The following FZD9 variants were observed in gnomAD, a reference collection of about 807,000 sequenced individuals.
FZD9 encodes the protein frizzled-9.
Under a neutral mutation model 29.9 loss-of-function variants are expected in FZD9, and 29 were observed. That is an observed-to-expected ratio of 0.97 (90% CI 0.72 to 1.32). The LOEUF is 1.32. Ranked by LOEUF, FZD9 falls within the 40% of genes most tolerant of loss-of-function variation. FZD9 has a pLI of 0.00. For synonymous variants in FZD9, 384 were observed against 393.9 expected (o/e 0.97, Z 0.30); for missense variants, 822 against 857.8 (o/e 0.96, Z 0.52).
chr7:73,435,179 C>T lies in FZD9; in HGVS notation c.1172C>T (p.Ala391Val). The T allele has an allele frequency of 6.2e-7, 1 of 1,612,990 alleles. No individual in the cohort carries two copies. The highest frequency in any genetic ancestry group is 8.5e-7 in the Non-Finnish European group (1 of 1,180,006). The part of the protein sequence containing the change: ...GDELTGLCYV[A>V]STDAAALTGF... Reference sequence around the variant, plus strand: ...GAGCTGACTGGGCTTTGCTACGTGGCCAGCACGGATGCAGCAGCGCTCACG... The same window carrying T: ...GAGCTGACTGGGCTTTGCTACGTGGTCAGCACGGATGCAGCAGCGCTCACG... Residue 391 changes from alanine (A) to valine (V), a missense_variant, in exon 1 of 1, where the codon GCC becomes GTC. By Grantham distance (64) the Ala-to-Val change is moderately conservative. Coordinates refer to ENST00000344575, the MANE Select transcript of FZD9 (RefSeq NM_003508.3).
Position 73,434,033 on chromosome 7 carries a change from C to A in FZD9, c.26C>A (p.Ala9Glu), listed in dbSNP as rs1197927604. 8.1e-7 allele frequency: 1 copy of A among 1,241,218 alleles called. No individual in the cohort carries two copies. Among genetic ancestry groups the A allele is most frequent in the Non-Finnish European group, 1.0e-6 (1 of 994,910 alleles). The allele number at this position is 1,241,218 out of a possible 1,614,324, so 76.9% of individuals were successfully genotyped here. A position where few individuals can be genotyped will look rare whatever the true frequency, so the allele number is the denominator to read the frequency against. The change falls in exon 1 of 1, where the codon GCG (alanine) becomes GAG (glutamate). Residue 9 changes from alanine (A) to glutamate (E), a missense_variant. Physicochemically the swap from Ala to Glu is moderately radical, Grantham distance 107. Coordinates refer to ENST00000344575, the MANE Select transcript of FZD9 (RefSeq NM_003508.3). MAVAPLRG[A>E]LLLWQLLAAG... ...ATGGCCGTGGCGCCTCTGCGGGGGG[C>A]GCTGCTGCTGTGGCAGCTGCTGGCG...
At position 73,435,674 on chromosome 7, in the gene FZD9, G is replaced by A. The variant is rs17852397; in HGVS notation, c.1667G>A (p.Arg556His). Residue 556 changes from arginine (R) to histidine (H), a missense_variant, in exon 1 of 1, where the codon CGC becomes CAC. Transcript: ENST00000344575. ...AAGRARAKAC[R>H]APGSYGRGTH... The stretch of plus-strand genomic sequence containing the variant: ...GGCCGGGCCCGGGCCAAGGCCTGCC[G>A]CGCCCCCGGGAGCTACGGACGTGGC... 219 of 1,612,974 alleles carry A rather than the reference G, an allele frequency of 1.4e-4. No individual in the cohort carries two copies. Among genetic ancestry groups the A allele is most frequent in the Non-Finnish European group, 1.8e-4 (210 of 1,179,844 alleles).
rs782108423 is a variant in FZD9, at chr7:73,435,691, G to A, written c.1684G>A (p.Gly562Arg). ...GGCCTGCCGCGCCCCCGGGAGCTACGGACGTGGCACGCACTGCCACTATAA... is the reference window on the plus strand; with the variant it reads ...GGCCTGCCGCGCCCCCGGGAGCTACAGACGTGGCACGCACTGCCACTATAA... ...AKACRAPGSYGRGTHCHYKAP... is the reference protein window; with the variant it reads ...AKACRAPGSYRRGTHCHYKAP... Residue 562 changes from glycine (G) to arginine (R), a missense_variant, in exon 1 of 1, where the codon GGA becomes AGA. Physicochemically the swap from Gly to Arg is moderately radical, Grantham distance 125. Coordinates refer to ENST00000344575, the MANE Select transcript of FZD9 (RefSeq NM_003508.3). 5 of 1,613,118 alleles carry A rather than the reference G, an allele frequency of 3.1e-6. No homozygotes were observed. The highest frequency in any genetic ancestry group is 4.2e-6 in the Non-Finnish European group (5 of 1,179,784).
In FZD9 at chr7:73,435,234, C is replaced by G; in HGVS notation, c.1227C>G (p.Tyr409Ter). The G allele has an allele frequency of 6.2e-7, 1 of 1,613,694 alleles. No individual in the cohort carries two copies. Among genetic ancestry groups the G allele is most frequent in the Non-Finnish European group, 8.5e-7 (1 of 1,180,026 alleles). Residue 409 changes from tyrosine (Y) to a stop codon, truncating the protein, a stop_gained, in exon 1 of 1, where the codon TAC (tyrosine) becomes TAG (stop). Transcript: ENST00000344575. LOFTEE classifies it high-confidence loss of function. ...TCGTGCTGGTGCCCCTCTCTGGCTA[C>G]CTGGTGCTGGGCAGTAGTTTCCTCC... Reference protein sequence around the residue: ...TGFVLVPLSGYLVLGSSFLLT... With the variant: ...TGFVLVPLSG
Position 73,434,054 on chromosome 7 carries a change from TGGCGGCG to T in FZD9, c.55_61del (p.Gly19ArgfsTer34). ...GGGGCGCTGCTGCTGTGGCAGCTGC[TGGCGGCG>T]GGCGGCGCGGCACTGGAGATCGGCC... On this transcript the variant is annotated frameshift_variant, in exon 1 of 1. Transcript: ENST00000344575. LOFTEE classifies it low-confidence loss of function (END_TRUNC). The T allele has an allele frequency of 7.9e-7, 1 of 1,268,496 alleles. No homozygotes were observed. Among genetic ancestry groups the T allele is most frequent in the Non-Finnish European group, 9.9e-7 (1 of 1,011,018 alleles). 78.6% of individuals were successfully genotyped at this position (1,268,496 alleles called of 1,614,324 possible).
Position 73,434,060 on chromosome 7 carries a change from C to G in FZD9, c.53C>G (p.Ala18Gly), listed in dbSNP as rs1554563136. The change falls in exon 1 of 1, where the codon GCG (alanine) becomes GGG (glycine). Residue 18 changes from alanine to glycine, a missense_variant. Ala to Gly is a moderately conservative substitution (Grantham distance 60, BLOSUM62 0). Coordinates refer to ENST00000344575, the MANE Select transcript of FZD9 (RefSeq NM_003508.3). Reference sequence around the variant, plus strand: ...CTGCTGCTGTGGCAGCTGCTGGCGGCGGGCGGCGCGGCACTGGAGATCGGC... The same window carrying G: ...CTGCTGCTGTGGCAGCTGCTGGCGGGGGGCGGCGCGGCACTGGAGATCGGC... The part of the protein sequence containing the change: ...GALLLWQLLA[A>G]GGAALEIGRF... 7.9e-7 allele frequency: 1 copy of G among 1,269,892 alleles called. No homozygotes were observed. Among genetic ancestry groups the G allele is most frequent in the Non-Finnish European group, 9.9e-7 (1 of 1,011,778 alleles). 78.7% of individuals were successfully genotyped at this position (1,269,892 alleles called of 1,614,324 possible). A position where few individuals can be genotyped will look rare whatever the true frequency, so the allele number is the denominator to read the frequency against.
In FZD9 at chr7:73,435,250, A is replaced by G; in HGVS notation, c.1243A>G (p.Ser415Gly). ...CTCTGGCTACCTGGTGCTGGGCAGT[A>G]GTTTCCTCCTGACCGGCTTCGTGGC... is the stretch of plus-strand genomic sequence containing the variant. ...PLSGYLVLGS[S>G]FLLTGFVALF... is the part of the protein sequence containing the mutation. Residue 415 changes from serine (S) to glycine (G), a missense_variant, in exon 1 of 1, where the codon AGT becomes GGT. Physicochemically the swap from Ser to Gly is moderately conservative, Grantham distance 56. Transcript: ENST00000344575. 1.2e-6 allele frequency: 2 copies of G among 1,613,752 alleles called. No homozygotes were observed. The highest frequency in any genetic ancestry group is 1.7e-6 in the Non-Finnish European group (2 of 1,180,000).
Position 73,433,984 on chromosome 7 carries a change from C to A in FZD9, c.-24C>A, listed in dbSNP as rs1323228702. On this transcript the variant is annotated 5_prime_UTR_variant, in exon 1 of 1. Transcript: ENST00000344575. ...CCCGAGTGAGCCGGGGCCGCGCTCC[C>A]GCCTTCGGCCCGGGCCTCCCGGGAT... 36 of 1,190,188 alleles carry A rather than the reference C, an allele frequency of 3.0e-5. No individual in the cohort carries two copies. Among genetic ancestry groups the A allele is most frequent in the Non-Finnish European group, 3.6e-5 (35 of 961,704 alleles). 73.7% of individuals were successfully genotyped at this position (1,190,188 alleles called of 1,614,324 possible). A position where few individuals can be genotyped will look rare whatever the true frequency, so the allele number is the denominator to read the frequency against.
chr7:73,434,439 G>T lies in FZD9; in HGVS notation c.432G>T (p.Thr144=), dbSNP rs202012985. Residue 144 remains threonine, a synonymous_variant, in exon 1 of 1, where the codon ACG becomes ACT. Coordinates refer to ENST00000344575, the MANE Select transcript of FZD9 (RefSeq NM_003508.3). ...CGCTCGACTGCGCCCGGCTGCCCAC[G>T]CGCAACGACCCGCACGCGCTGTGCA... ...PDSLDCARLP[T]RNDPHALCME... is the part of the protein sequence containing the mutation. 2 of 1,551,394 alleles carry T rather than the reference G, an allele frequency of 1.3e-6. No individual in the cohort carries two copies. The highest frequency in any genetic ancestry group is 2.8e-5 in the African/African-American group (2 of 71,306).
chr7:73,433,928 C>T lies in FZD9; in HGVS notation c.-80C>T. ...CGATGGCCCGCGCCCCGCGACGTGG[C>T]GGGCAGGCACCGGGGCGCGGGACCG... On this transcript the variant is annotated 5_prime_UTR_variant, in exon 1 of 1. Transcript: ENST00000344575. 1.9e-6 allele frequency: 2 copies of T among 1,067,174 alleles called. No individual in the cohort carries two copies. The highest frequency in any genetic ancestry group is 1.1e-6 in the Non-Finnish European group (1 of 878,550). The allele number at this position is 1,067,174 out of a possible 1,614,324, so 66.1% of individuals were successfully genotyped here. A position where few individuals can be genotyped will look rare whatever the true frequency, so the allele number is the denominator to read the frequency against.
chr7:73,435,820 C>T lies in FZD9; in HGVS notation c.*37C>T, dbSNP rs982203598. The T allele has an allele frequency of 6.5e-7, 1 of 1,537,166 alleles. No individual in the cohort carries two copies. Among genetic ancestry groups the T allele is most frequent in the Admixed American group, 2.0e-5 (1 of 50,340 alleles). On this transcript the variant is annotated 3_prime_UTR_variant, in exon 1 of 1. Coordinates refer to ENST00000344575, the MANE Select transcript of FZD9 (RefSeq NM_003508.3). ...TGGCGCGGGGTGGCTGCTGCCCCCT[C>T]CTTGCCCTCCACGCCCTGCCCCCTG...
chr7:73,433,818 C>T lies in FZD9; in HGVS notation c.-190C>T. 3 of 280,856 alleles carry T rather than the reference C, an allele frequency of 1.1e-5. No homozygotes were observed. The highest frequency in any genetic ancestry group is 1.7e-5 in the Non-Finnish European group (3 of 181,062). 17.4% of individuals were successfully genotyped at this position (280,856 alleles called of 1,614,324 possible). ...GCGGCTCCGGTGGCAGCGGCGGTGG[C>T]GGCTAGGCGGGCTCGGCGGCTCCTG... On this transcript the variant is annotated 5_prime_UTR_variant, in exon 1 of 1. Transcript: ENST00000344575.
Position 73,435,906 on chromosome 7 carries a change from CG to C in FZD9, c.*127del. 1 of 1,322,480 alleles carries C rather than the reference CG, an allele frequency of 7.6e-7. No individual in the cohort carries two copies. Among genetic ancestry groups the C allele is most frequent in the Non-Finnish European group, 1.0e-6 (1 of 959,934 alleles). 81.9% of individuals were successfully genotyped at this position (1,322,480 alleles called of 1,614,324 possible). On this transcript the variant is annotated 3_prime_UTR_variant, in exon 1 of 1. Coordinates refer to ENST00000344575, the MANE Select transcript of FZD9 (RefSeq NM_003508.3). ...CTGTCAAGGTCAGGCAAGTGAGCAC[CG>C]GGGACTGAGGATCAGGGCGGGACCC...
Position 73,435,271 on chromosome 7 carries a change from G to T in FZD9, c.1264G>T (p.Val422Leu). ...LGSSFLLTGF[V>L]ALFHIRKIMK... The stretch of plus-strand genomic sequence containing the variant: ...CAGTAGTTTCCTCCTGACCGGCTTC[G>T]TGGCCCTCTTCCACATCCGCAAGAT... Residue 422 changes from valine (V) to leucine (L), a missense_variant, in exon 1 of 1, where the codon GTG becomes TTG. By Grantham distance (32) the Val-to-Leu change is conservative. Transcript: ENST00000344575. 6.2e-7 allele frequency: 1 copy of T among 1,613,778 alleles called. No individual in the cohort carries two copies. Among genetic ancestry groups the T allele is most frequent in the Middle Eastern group, 1.6e-4 (1 of 6,062 alleles).
chr7:73,433,904 G>A lies in FZD9; in HGVS notation c.-104G>A, dbSNP rs1364094315. 4.1e-5 allele frequency: 38 copies of A among 930,742 alleles called. No individual in the cohort carries two copies. Among genetic ancestry groups the A allele is most frequent in the Non-Finnish European group, 4.8e-5 (37 of 765,924 alleles). The allele number at this position is 930,742 out of a possible 1,614,324, so 57.7% of individuals were successfully genotyped here. A position where few individuals can be genotyped will look rare whatever the true frequency, so the allele number is the denominator to read the frequency against. On this transcript the variant is annotated 5_prime_UTR_variant, in exon 1 of 1. Transcript: ENST00000344575. ...CCCGGACACACGTGGGCGGCTCAGC[G>A]ATGGCCCGCGCCCCGCGACGTGGCG...
Position 73,434,502 on chromosome 7 carries a change from GC to G in FZD9, c.499del (p.His167ThrfsTer116). 1.4e-6 allele frequency: 2 copies of G among 1,469,570 alleles called. No homozygotes were observed. Among genetic ancestry groups the G allele is most frequent in the South Asian group, 1.3e-5 (1 of 75,668 alleles). 91.0% of individuals were successfully genotyped at this position (1,469,570 alleles called of 1,614,324 possible). A position where few individuals can be genotyped will look rare whatever the true frequency, so the allele number is the denominator to read the frequency against. On this transcript the variant is annotated frameshift_variant, in exon 1 of 1. Coordinates refer to ENST00000344575, the MANE Select transcript of FZD9 (RefSeq NM_003508.3). LOFTEE classifies it high-confidence loss of function. ...AGAACGCCACGGCCGGCCCCGCGGA[GC>G]CCCACAAGGGCCTGGGCATGCTGCC... ...PENATAGPAE[P>X]HKGLGMLPVA... is the part of the protein sequence containing the mutation.
chr7:73,435,088 G>A lies in FZD9; in HGVS notation c.1081G>A (p.Ala361Thr). 6.2e-7 allele frequency: 1 copy of A among 1,612,242 alleles called. No individual in the cohort carries two copies. The highest frequency in any genetic ancestry group is 2.2e-5 in the East Asian group (1 of 44,854). The change falls in exon 1 of 1, where the codon GCT becomes ACT. Residue 361 changes from alanine (A) to threonine (T), a missense_variant. By Grantham distance (58) the Ala-to-Thr change is moderately conservative. Coordinates refer to ENST00000344575, the MANE Select transcript of FZD9 (RefSeq NM_003508.3). The part of the protein sequence containing the change: ...IEAHGSYFHM[A>T]AWGLPALKTI... Reference sequence around the variant, plus strand: ...GGCCCACGGCAGCTATTTCCACATGGCTGCCTGGGGCCTGCCCGCGCTCAA... The same window carrying A: ...GGCCCACGGCAGCTATTTCCACATGACTGCCTGGGGCCTGCCCGCGCTCAA...
At position 73,435,588 on chromosome 7, in the gene FZD9, G is replaced by C; in HGVS notation, c.1581G>C (p.Trp527Cys). Residue 527 changes from tryptophan (W) to cysteine (C), a missense_variant, in exon 1 of 1, where the codon TGG (tryptophan) becomes TGC (cysteine). Transcript: ENST00000344575. Reference sequence around the variant, plus strand: ...TGGTGGGGATCACCAGCGGCGTCTGGGTGTGGAGCTCCAAGACTTTCCAGA... The same window carrying C: ...TGGTGGGGATCACCAGCGGCGTCTGCGTGTGGAGCTCCAAGACTTTCCAGA... ...SLVVGITSGV[W>C]VWSSKTFQTW... 1.9e-6 allele frequency: 3 copies of C among 1,613,264 alleles called. No homozygotes were observed. The highest frequency in any genetic ancestry group is 1.7e-6 in the Non-Finnish European group (2 of 1,179,924).
In FZD9 at chr7:73,434,715, C is replaced by A. The variant is rs1554563408; in HGVS notation, c.708C>A (p.Ala236=). ...RDKDFALVWM[A]VWSALCFFST... is the part of the protein sequence containing the mutation. ...AGGACTTCGCGCTGGTCTGGATGGC[C>A]GTGTGGTCGGCGCTGTGCTTCTTCT... is the stretch of plus-strand genomic sequence containing the variant. Residue 236 remains alanine (A), a synonymous_variant, in exon 1 of 1, where the codon GCC becomes GCA. Coordinates refer to ENST00000344575, the MANE Select transcript of FZD9 (RefSeq NM_003508.3). 5 of 1,607,738 alleles carry A rather than the reference C, an allele frequency of 3.1e-6. No homozygotes were observed. Among genetic ancestry groups the A allele is most frequent in the Non-Finnish European group, 3.4e-6 (4 of 1,179,744 alleles).
Sources: allele counts gnomAD v4.1 joint callset, GRCh38; gene constraint gnomAD v4.1.1; transcripts MANE v1.5; gene names NCBI Gene and HGNC (gene_info 2026-07-23, HGNC 2026-07-21).